SCN9A: variants seen among roughly 807,000 people sequenced by gnomAD.
SCN9A encodes sodium channel protein type 9 subunit alpha.
A neutral mutation model predicts 187.0 loss-of-function variants in SCN9A; 131 were observed. That is an observed-to-expected ratio of 0.70 (90% CI 0.61 to 0.81). SCN9A has a LOEUF of 0.81. SCN9A is among the 30% of genes least tolerant of loss of function. The pLI, the probability that SCN9A is intolerant of heterozygous loss-of-function variation, is 0.00. For missense variants in SCN9A, 2,252 were observed against 2,396.6 expected, an observed-to-expected ratio of 0.94 and a Z score of 1.26; for synonymous variants, 809 against 808.6, an observed-to-expected ratio of 1.00 and a Z score of -0.01.
chr2:166,239,788 G>T (rs1271330400), intron 19 of SCN9A, among the ~76,000 whole-genome samples: 1 of 152,094 alleles, frequency 6.6e-6, no homozygotes, highest in East Asian at 1.9e-4. Context: ...TGGTGTACAG[G>T]GTCAGAGCAG....
chr2:166,321,912 T>C (rs1389636071), intron 1 of SCN9A, among the ~76,000 whole-genome samples: 1 of 151,412 alleles, frequency 6.6e-6, no homozygotes, highest in African/African-American at 2.4e-5. Context: ...ACCTGTCAGC[T>C]CTAAAGCATC....
At chr2:166,350,068 C>T (rs1008934762) in intron 1 of SCN9A, among the ~76,000 whole-genome samples, 12 of 152,124 alleles carry the variant, frequency 7.9e-5, no homozygotes, top group Admixed American at 7.2e-4. Context: ...ACTCCTGGTT[C>T]GTGGACTTGT....
Position 166,213,077 on chromosome 2 carries a change from T to C in SCN9A, c.4399-8613A>G, listed in dbSNP as rs186598436. ...AATATAGATTTACATGTCTAGGAAC[T>C]AGAAAAAGAACAAACTAAGCCCAAC... On this transcript the variant is annotated intron_variant, in intron 24 of 26. Coordinates refer to ENST00000642356, the MANE Select transcript of SCN9A (RefSeq NM_001365536.1). 3.3e-5 allele frequency among the ~76,000 whole-genome samples: 5 copies of C among 151,872 alleles called. No individual in the cohort carries two copies. In the East Asian group the frequency reaches 7.8e-4, roughly 24 times the overall value.
At chr2:166,265,507 A>G (rs997352218) in intron 17 of SCN9A, among the ~76,000 whole-genome samples, 2 of 152,028 alleles carry the variant, frequency 1.3e-5, no homozygotes, top group Non-Finnish European at 2.9e-5. Flanking sequence ...AGCAATAAAC[A>G]TATAGGAGTA....
chr2:166,339,387 A>G (rs936522433), intron 1 of SCN9A, among the ~76,000 whole-genome samples: 2 of 152,178 alleles, frequency 1.3e-5, no homozygotes, highest in Admixed American at 6.5e-5. Context: ...CAGCAACATA[A>G]TTTGGGAATT....
chr2:166,206,651 T>TTAAAG, intron 24 of SCN9A, among the ~76,000 whole-genome samples: 1 of 152,110 alleles, frequency 6.6e-6, no homozygotes, highest in Middle Eastern at 3.4e-3. Context: ...ACCCTAGAAC[T>TTAAAG]TAAAGTATAA....
intron 7 of SCN9A, among the ~76,000 whole-genome samples, chr2:166,300,452 C>G (rs1295159078): frequency 6.6e-6 from 1 of 151,004 alleles, no homozygotes; most frequent in Non-Finnish European, 1.5e-5. Flanking sequence ...GATGTCTTCT[C>G]ATCTAGTTGA....
At chr2:166,233,197 A>G in intron 21 of SCN9A, 143 bp downstream of exon 21, 1 of 226,404 alleles carries the variant, frequency 4.4e-6, no homozygotes, top group Non-Finnish European at 6.9e-6. Flanking sequence ...GCATATGTAT[A>G]TATGTATATG....
At position 166,277,187 on chromosome 2, in the gene SCN9A, C is replaced by T. The variant is rs2106469120; in HGVS notation, c.2670G>A (p.Lys890=). Residue 890 remains lysine, a synonymous_variant, in exon 16 of 27, where the codon AAG becomes AAA. Coordinates refer to ENST00000642356, the MANE Select transcript of SCN9A (RefSeq NM_001365536.1). ...FAVVGMQLFG[K]SYKECVCKIN... ...TCTTGCAGACACATTCTTTGTAGCT[C>T]TTACCAAAGAGCTGCATGCCGACCA... 2 of 1,614,052 alleles carry T rather than the reference C, an allele frequency of 1.2e-6. No individual in the cohort carries two copies. The highest frequency in any genetic ancestry group is 1.7e-6 in the Non-Finnish European group (2 of 1,179,992).
At chr2:166,299,146 T>C (rs1013347972) in intron 7 of SCN9A, among the ~76,000 whole-genome samples, 22 of 152,192 alleles carry the variant, frequency 1.4e-4, no homozygotes, top group African/African-American at 5.1e-4. Context: ...CTCTCCTGAA[T>C]TGATTCATAT....
chr2:166,234,843 AGAGCCTT>A (rs1356126547), intron 20 of SCN9A, among the ~76,000 whole-genome samples: 1 of 152,158 alleles, frequency 6.6e-6, no homozygotes, highest in Admixed American at 6.6e-5. Flanking sequence ...ATTAAGAGGC[AGAGCCTT>A]TAAAAGGTGA....
intron 7 of SCN9A, among the ~76,000 whole-genome samples, chr2:166,296,983 G>T (rs1698328685): frequency 1.3e-5 from 2 of 151,712 alleles, no homozygotes; most frequent in South Asian, 4.2e-4. Context: ...AGATCACGAG[G>T]TCAGGAGATC....
chr2:166,319,129 A>C (rs1699177753), intron 1 of SCN9A, among the ~76,000 whole-genome samples: 1 of 152,126 alleles, frequency 6.6e-6, no homozygotes, highest in Non-Finnish European at 1.5e-5. Context: ...AAAAAGAATG[A>C]AAATTAGATT....
intron 1 of SCN9A, among the ~76,000 whole-genome samples, chr2:166,370,353 C>G (rs1423689576): frequency 2.0e-5 from 3 of 151,040 alleles, no homozygotes; most frequent in East Asian, 3.9e-4. Context: ...ACCATCCTGG[C>G]TAACATGGTG....
chr2:166,202,923 T>C (rs1028533062), intron 26 of SCN9A, among the ~76,000 whole-genome samples: 4 of 151,802 alleles, frequency 2.6e-5, no homozygotes, highest in African/African-American at 9.7e-5. Flanking sequence ...ATTTACTCCA[T>C]TGTTTTTATA....
intron 18 of SCN9A, among the ~76,000 whole-genome samples, chr2:166,243,188 A>G (rs1695640794): frequency 6.6e-6 from 1 of 152,102 alleles, no homozygotes; most frequent in African/African-American, 2.4e-5. Context: ...CAAGTATTCT[A>G]AGTTAAAAAC....
intron 1 of SCN9A, among the ~76,000 whole-genome samples, chr2:166,361,999 A>G (rs1308627270): frequency 6.6e-6 from 1 of 152,106 alleles, no homozygotes; most frequent in Non-Finnish European, 1.5e-5. Context: ...TTCAATATCA[A>G]AATAAGTGAG....
At position 166,199,718 on chromosome 2, in the gene SCN9A, G is replaced by A. The variant is rs199910483; in HGVS notation, c.4921C>T (p.Leu1641Phe). ...RTLLFALMMS[L>F]PALFNIGLLL... ...AGGCCGATGTTAAACAACGCAGGAAGGGACATCATCAAAGCAAAGAGCAGC... is the reference window on the plus strand; with the variant it reads ...AGGCCGATGTTAAACAACGCAGGAAAGGACATCATCAAAGCAAAGAGCAGC... Residue 1641 changes from leucine (L) to phenylalanine (F), a missense_variant, in exon 27 of 27, where the codon CTT (leucine) becomes TTT (phenylalanine). By Grantham distance (22) the Leu-to-Phe change is conservative (BLOSUM62 0). Around this residue, in one of 7 missense-constraint regions of SCN9A, gnomAD observed 84 missense variants for 134.2 expected, o/e 0.63. Coordinates refer to ENST00000642356, the MANE Select transcript of SCN9A (RefSeq NM_001365536.1). 1 of 1,614,090 alleles carries A rather than the reference G, an allele frequency of 6.2e-7. No homozygotes were observed. Among genetic ancestry groups the A allele is most frequent in the Non-Finnish European group, 8.5e-7 (1 of 1,180,014 alleles).
intron 5 of SCN9A, among the ~76,000 whole-genome samples, chr2:166,304,565 A>G (rs1203989121): frequency 2.0e-5 from 3 of 152,154 alleles, no homozygotes; most frequent in Non-Finnish European, 4.4e-5. Flanking sequence ...AAATGCGTAA[A>G]CAACTAAATG....
Sources: gnomAD v4.1 joint callset for allele counts (sites outside exome capture counted in the v4.1 genomes callset) on GRCh38, gnomAD v4.1.1 for gene constraint, gnomAD v4.1.1 regional missense constraint, MANE v1.5 for transcripts, NCBI Gene and HGNC (gene_info 2026-07-23, HGNC 2026-07-21) for gene names.